MSI2: variants seen among roughly 807,000 people sequenced by gnomAD.
MSI2 encodes the protein musashi RNA binding protein 2.
Under a neutral mutation model 45.6 loss-of-function variants are expected in MSI2, and 17 were observed. That is an observed-to-expected ratio of 0.37 (90% CI 0.26 to 0.56). The LOEUF (loss-of-function observed/expected upper bound fraction) is 0.56, where lower values mean the gene tolerates loss of function less well. Among genes scored for constraint, MSI2 ranks in the 20% least tolerant of loss-of-function variants. The pLI, the probability that MSI2 is intolerant of heterozygous loss-of-function variation, is 0.77. For synonymous variants in MSI2, 156 were observed against 158.2 expected (o/e 0.99, Z 0.11); for missense variants, 293 against 444.2 (o/e 0.66, Z 3.06).
chr17:57,513,911 C>CA lies in MSI2; in HGVS notation c.406-15758dup, dbSNP rs541556702. 3.5e-4 allele frequency among the ~76,000 whole-genome samples: 53 copies of CA among 152,092 alleles called. 1 individual carries two copies. The South Asian group carries it at 0.011, about 32-fold the overall frequency. Reference sequence around the variant, plus strand: ...TGAGGAGCAGTTTAATTAAAAACGACAAAAAAAGAAATGTAAATGAATTAG... The same window carrying CA: ...TGAGGAGCAGTTTAATTAAAAACGACAAAAAAAAGAAATGTAAATGAATTAG... On this transcript the variant is annotated intron_variant, in intron 6 of 13. Transcript: ENST00000284073.
intron 11 of MSI2, among the ~76,000 whole-genome samples, chr17:57,671,179 TG>T (rs767564955): frequency 3.9e-5 from 6 of 152,132 alleles, no homozygotes; most frequent in Non-Finnish European, 7.3e-5. Context: ...ATCACCGCAA[TG>T]AGCCCCCAAA....
intron 5 of MSI2, among the ~76,000 whole-genome samples, chr17:57,283,120 T>TA (rs1472821120): frequency 3.9e-5 from 6 of 152,172 alleles, no homozygotes; most frequent in African/African-American, 1.2e-4. Flanking sequence ...GTTCTCTGTG[T>TA]GGGGGCTTGC....
chr17:57,484,577 C>T, intron 6 of MSI2, among the ~76,000 whole-genome samples: 1 of 152,172 alleles, frequency 6.6e-6, no homozygotes, highest in Non-Finnish European at 1.5e-5. Context: ...AGAAGTGTGC[C>T]TTAAAAACAA....
intron 9 of MSI2, 53 bp downstream of exon 9, chr17:57,616,137 C>T (rs551462495): frequency 1.1e-4 from 158 of 1,434,576 alleles, no homozygotes; most frequent in Non-Finnish European, 1.5e-4. Flanking sequence ...CTATGGAGGC[C>T]TCTACTCCCA....
rs961047327 is a variant in MSI2, at chr17:57,652,038, G to C, written c.728-61G>C. ...GGGGGTTGTGTGGCCCGTGACCTAG[G>C]TCTGTGCCTGGCCCTTTCAAGGATT... is the stretch of plus-strand genomic sequence containing the variant. On this transcript the variant is annotated intron_variant, in intron 10 of 13. Coordinates refer to ENST00000284073, the MANE Select transcript of MSI2 (RefSeq NM_138962.4). The surrounding 1 kb of genome is among the most constrained non-coding windows in gnomAD (Gnocchi z 4.1). 2 of 1,529,530 alleles carry C rather than the reference G, an allele frequency of 1.3e-6. No homozygotes were observed. The highest frequency in any genetic ancestry group is 1.8e-6 in the Non-Finnish European group (2 of 1,103,316). 94.7% of individuals were successfully genotyped at this position (1,529,530 alleles called of 1,614,324 possible).
chr17:57,274,954 T>C (rs1908716220), intron 5 of MSI2, among the ~76,000 whole-genome samples: 1 of 152,206 alleles, frequency 6.6e-6, no homozygotes, highest in Admixed American at 6.5e-5. Context: ...AGGTGTATGA[T>C]GAATACTGAG....
chr17:57,313,418 A>T (rs1912575751), intron 5 of MSI2, among the ~76,000 whole-genome samples: 1 of 152,204 alleles, frequency 6.6e-6, no homozygotes, highest in Non-Finnish European at 1.5e-5. Context: ...CTGGTTTTGA[A>T]TTGAAGACCT....
At chr17:57,546,082 G>A (rs1291494452) in intron 7 of MSI2, among the ~76,000 whole-genome samples, 1 of 152,150 alleles carries the variant, frequency 6.6e-6, no homozygotes, top group Non-Finnish European at 1.5e-5. Context: ...GGAGATTCCG[G>A]GGCGATTATG....
At chr17:57,634,950 A>G (rs1424098751) in intron 10 of MSI2, among the ~76,000 whole-genome samples, 2 of 152,230 alleles carry the variant, frequency 1.3e-5, no homozygotes, top group African/African-American at 4.8e-5. Flanking sequence ...CTTAGATCCC[A>G]TTGGTCAGAA....
chr17:57,698,585 G>T, the MSI2 span, among the ~76,000 whole-genome samples: 1 of 152,142 alleles, frequency 6.6e-6, no homozygotes, highest in Non-Finnish European at 1.5e-5. Context: ...TGAAGTGCAG[G>T]GTGCGCCTTC....
intron 6 of MSI2, among the ~76,000 whole-genome samples, chr17:57,489,269 G>A (rs1004614320): frequency 6.6e-6 from 1 of 152,144 alleles, no homozygotes; most frequent in African/African-American, 2.4e-5. Context: ...TGTTGGCATT[G>A]GGGTCTGATG....
intron 6 of MSI2, among the ~76,000 whole-genome samples, chr17:57,472,155 C>A (rs996315155): frequency 6.6e-6 from 1 of 152,054 alleles, no homozygotes; most frequent in Non-Finnish European, 1.5e-5. Flanking sequence ...GGTTGAGAGC[C>A]GAAATAATGG....
rs115415695 is a variant in MSI2, at chr17:57,389,503, C to T, written c.313-11876C>T. On this transcript the variant is annotated intron_variant, in intron 5 of 13. Transcript: ENST00000284073. ...GCTAACCTTTAAGCTGCAGGTCATG[C>T]CCAGCCCTGTGCTCTCACAGCTCTA... Among the ~76,000 whole-genome samples, 1,437 of 152,262 alleles carry T rather than the reference C, an allele frequency of 9.4e-3. 21 individuals carry two copies. Among genetic ancestry groups the T allele is most frequent in the African/African-American group, 0.033 (1,366 of 41,534 alleles).
intron 4 of MSI2, among the ~76,000 whole-genome samples, chr17:57,260,513 C>G (rs1907209003): frequency 6.6e-6 from 1 of 152,114 alleles, no homozygotes; most frequent in Non-Finnish European, 1.5e-5. Flanking sequence ...AAAAAACACC[C>G]TCTGGGGAGT....
intron 6 of MSI2, chr17:57,440,837 T>A (rs140264555): frequency 1.3e-5 from 2 of 152,218 alleles, no homozygotes; most frequent in Non-Finnish European, 2.9e-5. Context: ...TGTTGGTGTT[T>A]CTGGTATTTT....
chr17:57,404,355 A>T (rs1477454041), intron 6 of MSI2, among the ~76,000 whole-genome samples: 2 of 152,176 alleles, frequency 1.3e-5, no homozygotes, highest in African/African-American at 4.8e-5. Flanking sequence ...GATGCAAAGG[A>T]CAGGAAGATA....
At chr17:57,687,006 C>CA (rs551462091), downstream of MSI2, among the ~76,000 whole-genome samples, 6 of 45,138 alleles carry the variant, frequency 1.3e-4, no homozygotes, top group East Asian at 7.5e-4. Context: ...TGGCCAGCAG[C>CA]CCCCCCCCCA....
intron 11 of MSI2, among the ~76,000 whole-genome samples, chr17:57,663,473 T>A (rs1341042375): frequency 6.6e-6 from 1 of 152,134 alleles, no homozygotes; most frequent in Admixed American, 6.5e-5. Flanking sequence ...TTCGGGAAGT[T>A]ATTTCTGACT....
intron 5 of MSI2, among the ~76,000 whole-genome samples, chr17:57,377,687 T>A (rs1277417596): frequency 1.3e-5 from 2 of 149,154 alleles, no homozygotes; most frequent in African/African-American, 4.9e-5. Context: ...TTCATTACTT[T>A]AAAAAAAAAA....
Sources: allele counts gnomAD v4.1 joint callset (sites outside exome capture counted in the v4.1 genomes callset), GRCh38; gene constraint gnomAD v4.1.1; non-coding constraint Gnocchi (gnomAD v3.1); transcripts MANE v1.5; gene names NCBI Gene and HGNC (gene_info 2026-07-23, HGNC 2026-07-21).